The following STK17B variants were observed in gnomAD, a reference collection of about 807,000 sequenced individuals.
STK17B encodes the protein serine/threonine kinase 17b, also known as serine/threonine-protein kinase 17B.
Under a neutral mutation model 42.0 loss-of-function variants are expected in STK17B, and 21 were observed. The ratio of observed to expected loss-of-function variants is 0.50; its 90% CI spans 0.35 to 0.72. The LOEUF (loss-of-function observed/expected upper bound fraction) is 0.72. STK17B is among the 30% of genes least tolerant of loss of function. The probability of loss-of-function intolerance (pLI) is 0.00; values close to 1 mark genes in which losing one functional copy is unlikely to be tolerated. For synonymous variants in STK17B, 143 were observed against 148.4 expected, an observed-to-expected ratio of 0.96 and a Z score of 0.26; for missense variants, 349 against 446.0, an observed-to-expected ratio of 0.78 and a Z score of 1.96.
At chr2:196,153,563 A>G (rs2105698266) in intron 3 of STK17B, 1 of 151,838 alleles carries the variant, frequency 6.6e-6, no homozygotes, top group African/African-American at 2.4e-5. Context: ...GAGCATGTCC[A>G]ACACCCATAT....
intron 6 of STK17B, among the ~76,000 whole-genome samples, 177 bp downstream of exon 6, chr2:196,141,067 GAAGTT>G (rs1199423000): frequency 1.3e-5 from 2 of 152,306 alleles, no homozygotes; most frequent in East Asian, 3.8e-4. Context: ...TTTTGGCTCA[GAAGTT>G]AAGTGTTATT....
chr2:196,146,249 G>T (rs1402298601), intron 3 of STK17B, among the ~76,000 whole-genome samples, 194 bp from the exon 4 acceptor site: 1 of 152,196 alleles, frequency 6.6e-6, no homozygotes, highest in Non-Finnish European at 1.5e-5. Context: ...GCTCATGTCT[G>T]TAATACCAGC....
rs1699383881 is a variant in STK17B, at chr2:196,135,405, T to C, written c.*2042A>G. ...TAGTTTATTGGACCAACAAACTACT[T>C]AAAGAATTTAAATGTCATAAGAAGA... On this transcript the variant is annotated 3_prime_UTR_variant, in exon 8 of 8. Transcript: ENST00000263955. 1 of 152,190 alleles carries C rather than the reference T, an allele frequency of 6.6e-6. No individual in the cohort carries two copies. The highest frequency in any genetic ancestry group is 6.5e-5 in the Admixed American group (1 of 15,276). 9.4% of individuals were successfully genotyped at this position (152,190 alleles called of 1,614,324 possible). A position where few individuals can be genotyped will look rare whatever the true frequency, so the allele number is the denominator to read the frequency against.
Position 196,156,602 on chromosome 2 carries a change from C to T in STK17B, c.172G>A (p.Glu58Lys). ...TTTTTTAGAAATTTTGCAGCATATT[C>T]TTGGCCAGTAGATTTTGATATACAT... ...RQCISKSTGQ[E>K]YAAKFLKKRR... The change falls in exon 3 of 8, where the codon GAA becomes AAA. Residue 58 changes from glutamate (E) to lysine (K), a missense_variant. Coordinates refer to ENST00000263955, the MANE Select transcript of STK17B (RefSeq NM_004226.4). The T allele has an allele frequency of 6.2e-7, 1 of 1,614,014 alleles. No homozygotes were observed. Among genetic ancestry groups the T allele is most frequent in the Non-Finnish European group, 8.5e-7 (1 of 1,179,964 alleles).
At chr2:196,171,705 G>A (rs1160562654), upstream of STK17B, 1 of 151,366 alleles carries the variant, frequency 6.6e-6, no homozygotes, top group Non-Finnish European at 1.5e-5. Context: ...CACCGGCCGG[G>A]GGCGCGTGTG....
At position 196,137,343 on chromosome 2, in the gene STK17B, G is replaced by A. The variant is rs1699420645; in HGVS notation, c.*104C>T. 4.1e-6 allele frequency: 5 copies of A among 1,223,270 alleles called. No individual in the cohort carries two copies. Among genetic ancestry groups the A allele is most frequent in the African/African-American group, 1.5e-5 (1 of 65,310 alleles). 75.8% of individuals were successfully genotyped at this position (1,223,270 alleles called of 1,614,324 possible). ...TCCCTAAATTATTCCATGGAAAAGT[G>A]CATTTACAATATAAACATGTCATAT... On this transcript the variant is annotated 3_prime_UTR_variant, in exon 8 of 8. Transcript: ENST00000263955.
intron 1 of STK17B, among the ~76,000 whole-genome samples, chr2:196,168,258 T>C (rs971986735): frequency 3.9e-5 from 6 of 152,230 alleles, no homozygotes; most frequent in Admixed American, 6.5e-5. Flanking sequence ...GGCCTGACTC[T>C]GTGCCAAGAC....
rs1699378109 is a variant in STK17B, at chr2:196,135,089, T to A, written c.*2358A>T. 6.6e-6 allele frequency: 1 copy of A among 152,164 alleles called. No homozygotes were observed. Among genetic ancestry groups the A allele is most frequent in the African/African-American group, 2.4e-5 (1 of 41,428 alleles). 9.4% of individuals were successfully genotyped at this position (152,164 alleles called of 1,614,324 possible). A position where few individuals can be genotyped will look rare whatever the true frequency, so the allele number is the denominator to read the frequency against. On this transcript the variant is annotated 3_prime_UTR_variant, in exon 8 of 8. Coordinates refer to ENST00000263955, the MANE Select transcript of STK17B (RefSeq NM_004226.4). ...AGCTCTGTATTCTACTACTTAAAGG[T>A]AGATGTAAAGTATTTTAAGATTTTC...
Position 196,144,195 on chromosome 2 carries a change from TAAA to T in STK17B, c.481-512_481-510del, listed in dbSNP as rs367688487. On this transcript the variant is annotated intron_variant, in intron 4 of 7. Transcript: ENST00000263955. Reference sequence around the variant, plus strand: ...TTAAATAAAAAAAAAATTAAAAAATTAAAAAAAAAAAGAGGCCGGGCATGGTGG... The same window carrying T: ...TTAAATAAAAAAAAAATTAAAAAATTAAAAAAAAGAGGCCGGGCATGGTGG... 1.2e-3 allele frequency among the ~76,000 whole-genome samples: 180 copies of T among 145,872 alleles called. 1 individual carries two copies. Among genetic ancestry groups the T allele is most frequent in the Non-Finnish European group, 2.1e-3 (141 of 66,842 alleles).
intron 6 of STK17B, among the ~76,000 whole-genome samples, chr2:196,140,582 T>C (rs1277400724): frequency 6.8e-6 from 1 of 147,072 alleles, no homozygotes; most frequent in Non-Finnish European, 1.5e-5. Context: ...TCTAGCTTTT[T>C]TTTTTTTTTT....
intron 1 of STK17B, among the ~76,000 whole-genome samples, chr2:196,169,847 T>C (rs777401755): frequency 2.1e-4 from 32 of 152,000 alleles, no homozygotes; most frequent in Middle Eastern, 3.4e-3. Context: ...AGTCTTGCCA[T>C]GTAAGCAAAT....
chr2:196,140,577 C>CTTTT (rs58205758), intron 6 of STK17B, among the ~76,000 whole-genome samples: 6 of 101,472 alleles, frequency 5.9e-5, no homozygotes, highest in East Asian at 3.0e-4. Context: ...CTTCTTCTAG[C>CTTTT]TTTTTTTTTT....
rs193195980 is a variant in STK17B, at chr2:196,152,809, C to T, written c.335+3630G>A. Among the ~76,000 whole-genome samples the T allele has an allele frequency of 1.2e-4, 18 of 151,868 alleles. No individual in the cohort carries two copies. The East Asian group carries it at 3.5e-3, about 29-fold the overall frequency. On this transcript the variant is annotated intron_variant, in intron 3 of 7. Transcript: ENST00000263955. ...CAAGAAGAAACATATAAAGAATGAG[C>T]CAGAATGAATAAATGTGGTTAGCTA...
intron 2 of STK17B, among the ~76,000 whole-genome samples, chr2:196,162,533 T>C (rs947450811): frequency 1.3e-5 from 2 of 151,962 alleles, no homozygotes; most frequent in African/African-American, 4.8e-5. Context: ...AACTTAATCC[T>C]CATAACAACC....
rs1389323433 is a variant in STK17B at position 196,135,831 on chromosome 2, T to C, written c.*1616A>G. 2 of 128,640 alleles carry C rather than the reference T, an allele frequency of 1.6e-5. No homozygotes were observed. The highest frequency in any genetic ancestry group is 2.9e-5 in the African/African-American group (1 of 34,920). The allele number at this position is 128,640 out of a possible 1,614,324, so 8.0% of individuals were successfully genotyped here. On this transcript the variant is annotated 3_prime_UTR_variant, in exon 8 of 8. Transcript: ENST00000263955. ...TTTGGCACCTGAGTTGAGCACAATA[T>C]ACCACAGCAAAGAATCTTGAAAAGT...
At chr2:196,153,582 T>C (rs1298044052) in intron 3 of STK17B, 1 of 151,988 alleles carries the variant, frequency 6.6e-6, no homozygotes, top group Non-Finnish European at 1.5e-5. Flanking sequence ...ATTTGGTTTC[T>C]AAATGCTATT....
In STK17B at chr2:196,135,349, T is replaced by C. The variant is rs1444974410; in HGVS notation, c.*2098A>G. ...AGAAACAACTCATCAGTTTTAGATA[T>C]ACAAGGGCTCAATTTAGATTATACA... On this transcript the variant is annotated 3_prime_UTR_variant, in exon 8 of 8. Coordinates refer to ENST00000263955, the MANE Select transcript of STK17B (RefSeq NM_004226.4). 4 of 152,220 alleles carry C rather than the reference T, an allele frequency of 2.6e-5. No individual in the cohort carries two copies. The highest frequency in any genetic ancestry group is 2.9e-5 in the Non-Finnish European group (2 of 68,042). 9.4% of individuals were successfully genotyped at this position (152,220 alleles called of 1,614,324 possible). A position where few individuals can be genotyped will look rare whatever the true frequency, so the allele number is the denominator to read the frequency against.
intron 1 of STK17B, among the ~76,000 whole-genome samples, chr2:196,166,868 T>TA (rs1394815124): frequency 6.6e-6 from 1 of 152,192 alleles, no homozygotes; most frequent in Non-Finnish European, 1.5e-5. Context: ...AGAAAGTTTT[T>TA]AAAAAATAGA....
In STK17B at chr2:196,163,116, CT is replaced by C. The variant is rs1235963886; in HGVS notation, c.122+145del. ...GATTTGATTTTCAAGTCAGTTAAGA[CT>C]GGACCCTAGGTAACAGCAACAGAGA... On this transcript the variant is annotated intron_variant, in intron 2 of 7. Transcript: ENST00000263955. The C allele has an allele frequency of 3.2e-6, 3 of 945,440 alleles. No homozygotes were observed. The African/African-American group carries it at 5.0e-5, about 16-fold the overall frequency. 58.6% of individuals were successfully genotyped at this position (945,440 alleles called of 1,614,324 possible).
Sources: allele counts gnomAD v4.1 joint callset (sites outside exome capture counted in the v4.1 genomes callset), GRCh38; gene constraint gnomAD v4.1.1; transcripts MANE v1.5; gene names NCBI Gene and HGNC (gene_info 2026-07-23, HGNC 2026-07-21).